The following CORO1C variants were observed in gnomAD, a reference collection of about 807,000 sequenced individuals.
The protein encoded by CORO1C is coronin-1C.
Under a neutral mutation model 51.2 loss-of-function variants are expected in CORO1C, and 14 were observed. The observed-to-expected ratio is 0.27, with a 90% CI of 0.18 to 0.43. The LOEUF (loss-of-function observed/expected upper bound fraction) is 0.43. Ranked by LOEUF, CORO1C falls within the 20% of genes least tolerant of loss-of-function variation. The probability of loss-of-function intolerance (pLI) is 1.00; values close to 1 mark genes in which losing one functional copy is unlikely to be tolerated. For synonymous variants in CORO1C, 181 were observed against 210.5 expected (o/e 0.86, Z 1.21); for missense variants, 417 against 607.8 (o/e 0.69, Z 3.30).
At chr12:108,708,225 C>T (rs1251213734) in intron 1 of CORO1C, among the ~76,000 whole-genome samples, 1 of 152,006 alleles carries the variant, frequency 6.6e-6, no homozygotes, top group African/African-American at 2.4e-5. Context: ...TAGAAGCAAC[C>T]CAAATACAGA....
intron 2 of CORO1C, among the ~76,000 whole-genome samples, chr12:108,687,156 G>A (rs1012417009): frequency 3.9e-5 from 6 of 152,152 alleles, no homozygotes; most frequent in African/African-American, 7.2e-5. Flanking sequence ...GGCATTTTGC[G>A]GGGAGAAAGT....
chr12:108,658,068 C>A lies in CORO1C; in HGVS notation c.631-645G>T, dbSNP rs965907119. 6.6e-6 allele frequency among the ~76,000 whole-genome samples: 1 copy of A among 152,182 alleles called. No homozygotes were observed. The highest frequency in any genetic ancestry group is 1.5e-5 in the Non-Finnish European group (1 of 68,034). On this transcript the variant is annotated intron_variant, in intron 5 of 10. Transcript: ENST00000261401. This position sits in a 1 kb window ranked among gnomAD's most constrained non-coding sequence, Gnocchi z 4.9. ...GACTTACTATGTGTAGTTTCAACAC[C>A]GACTGAAGACCCAAATGTCCATCTT...
chr12:108,684,315 A>G (rs1465336623), intron 2 of CORO1C, among the ~76,000 whole-genome samples: 4 of 152,220 alleles, frequency 2.6e-5, no homozygotes, highest in Non-Finnish European at 5.9e-5. Flanking sequence ...GATGTCAGGA[A>G]AGAGGAACTC....
In CORO1C at chr12:108,675,201, G is replaced by A. The variant is rs184256907; in HGVS notation, c.318+3071C>T. Among the ~76,000 whole-genome samples the A allele has an allele frequency of 2.3e-4, 35 of 152,182 alleles. 1 individual carries two copies. The East Asian group carries it at 6.7e-3, about 29-fold the overall frequency. On this transcript the variant is annotated intron_variant, in intron 3 of 10. Coordinates refer to ENST00000261401, the MANE Select transcript of CORO1C (RefSeq NM_014325.4). ...AAATGTATATATATATATACATAAT[G>A]CTACTGCATACTTAATAGATATAAT...
chr12:108,653,957 A>G (rs11830250), intron 7 of CORO1C, among the ~76,000 whole-genome samples: 3,778 of 152,320 alleles, frequency 0.025, 168 homozygotes, highest in African/African-American at 0.087. Flanking sequence ...GTACAGATAA[A>G]TCTAAAATCA....
intron 3 of CORO1C, among the ~76,000 whole-genome samples, chr12:108,670,562 A>G (rs2033678157): frequency 6.6e-6 from 1 of 152,240 alleles, no homozygotes; most frequent in Admixed American, 6.5e-5. Flanking sequence ...AAAGCAAGGC[A>G]CCATGTTTCT....
At chr12:108,725,039 G>C (rs2035555493) in intron 1 of CORO1C, among the ~76,000 whole-genome samples, 1 of 152,126 alleles carries the variant, frequency 6.6e-6, no homozygotes, top group African/African-American at 2.4e-5. Flanking sequence ...CTTTTGCCAG[G>C]AACTTTCCTT....
intron 3 of CORO1C, among the ~76,000 whole-genome samples, chr12:108,665,103 G>A (rs905972724): frequency 2.0e-5 from 3 of 152,184 alleles, no homozygotes; most frequent in Admixed American, 6.5e-5. Context: ...CTAATGAGAC[G>A]TGGAGTGATG....
chr12:108,667,823 G>A (rs1389891321), intron 3 of CORO1C, among the ~76,000 whole-genome samples: 4 of 152,164 alleles, frequency 2.6e-5, no homozygotes, highest in Non-Finnish European at 5.9e-5. Context: ...ACTGTACCAT[G>A]GGCATCCTTT....
At chr12:108,710,974 T>C (rs2035163622) in intron 1 of CORO1C, among the ~76,000 whole-genome samples, 1 of 152,168 alleles carries the variant, frequency 6.6e-6, no homozygotes. Context: ...ACTCTTGCAA[T>C]AAAACCTTCA....
chr12:108,713,877 T>C (rs889907343), intron 1 of CORO1C, among the ~76,000 whole-genome samples: 10 of 152,184 alleles, frequency 6.6e-5, no homozygotes, highest in African/African-American at 1.4e-4. Context: ...CCCAGTCCAG[T>C]TGGCCAGTTT....
At chr12:108,689,572 A>G (rs2034424963) in intron 2 of CORO1C, among the ~76,000 whole-genome samples, 1 of 152,042 alleles carries the variant, frequency 6.6e-6, no homozygotes, top group Non-Finnish European at 1.5e-5. Context: ...GTACTTTTCC[A>G]TCTCCTGATC....
At chr12:108,721,315 A>G (rs1237125991) in intron 1 of CORO1C, among the ~76,000 whole-genome samples, 1 of 152,136 alleles carries the variant, frequency 6.6e-6, no homozygotes, top group African/African-American at 2.4e-5. Context: ...CTCTTCCCTA[A>G]TTACACCAGT....
chr12:108,701,491 G>A (rs765996119), intron 1 of CORO1C, 168 bp from the exon 2 acceptor site: 15 of 936,208 alleles, frequency 1.6e-5, no homozygotes, highest in South Asian at 3.5e-5. Flanking sequence ...GCACATACCC[G>A]GAGACAACTG....
At chr12:108,662,245 G>T in intron 3 of CORO1C, 87 bp from the exon 4 acceptor site, 3 of 1,176,452 alleles carry the variant, frequency 2.6e-6, no homozygotes, top group Non-Finnish European at 2.5e-6. Context: ...ATAAAGATTT[G>T]CTCTATGTAA....
chr12:108,729,656 T>C (rs2035670733), intron 1 of CORO1C, among the ~76,000 whole-genome samples: 1 of 152,244 alleles, frequency 6.6e-6, no homozygotes, highest in Admixed American at 6.5e-5. Flanking sequence ...ACTATTATGC[T>C]TCATAGCCAA....
intron 1 of CORO1C, 76 bp from the exon 2 acceptor site, chr12:108,701,399 C>G (rs2034865905): frequency 6.3e-7 from 1 of 1,597,030 alleles, no homozygotes; most frequent in Admixed American, 1.7e-5. Context: ...TGAAATGCTC[C>G]AAGTAGGAAA....
At chr12:108,720,536 T>G (rs1424973599) in intron 1 of CORO1C, among the ~76,000 whole-genome samples, 4 of 151,966 alleles carry the variant, frequency 2.6e-5, no homozygotes, top group African/African-American at 9.7e-5. Context: ...TTTTTTTTTT[T>G]TATTTGAGAT....
intron 6 of CORO1C, 151 bp downstream of exon 6, chr12:108,657,153 C>G (rs1014902187): frequency 2.0e-6 from 2 of 981,038 alleles, no homozygotes; most frequent in Non-Finnish European, 2.9e-6. Context: ...AAGTCTCCAA[C>G]GAGGATAAGA....
Sources: gnomAD v4.1 joint callset for allele counts (sites outside exome capture counted in the v4.1 genomes callset) on GRCh38, gnomAD v4.1.1 for gene constraint, Gnocchi (gnomAD v3.1) non-coding constraint, MANE v1.5 for transcripts, NCBI Gene and HGNC (gene_info 2026-07-23, HGNC 2026-07-21) for gene names.